Variants in RPS3 observed in about 807,000 individuals in gnomAD.
RPS3 encodes small ribosomal subunit protein uS3.
Under a neutral mutation model 25.8 loss-of-function variants are expected in RPS3, and 2 were observed. That is an observed-to-expected ratio of 0.08 (90% confidence interval 0.03 to 0.24). The LOEUF is 0.24. RPS3 is among the 10% of genes least tolerant of loss of function. The pLI is 1.00. For synonymous variants in RPS3, 114 were observed against 114.2 expected, an observed-to-expected ratio of 1.00 and a Z score of 0.01; for missense variants, 107 against 307.1, an observed-to-expected ratio of 0.35 and a Z score of 4.87.
intron 3 of RPS3, chr11:75,402,005 G>T: frequency 1.8e-6 from 1 of 548,568 alleles, no homozygotes; most frequent in South Asian, 2.3e-5. Context: ...AGGAGCCAGG[G>T]TGGGAGGGCA....
intron 6 of RPS3, among the ~76,000 whole-genome samples, chr11:75,421,404 A>G (rs1948443975): frequency 6.6e-6 from 1 of 152,084 alleles, no homozygotes; most frequent in African/African-American, 2.4e-5. Flanking sequence ...GGGCCTGGCC[A>G]GCTCCTCCAG....
downstream of RPS3, among the ~76,000 whole-genome samples, chr11:75,410,782 G>C (rs1339836197): frequency 3.0e-3 from 455 of 152,316 alleles, no homozygotes; most frequent in Non-Finnish European, 3.4e-3. Flanking sequence ...TTAGGAGCTG[G>C]AGACCAGCCC....
At chr11:75,408,524 A>T (rs79910205), downstream of RPS3, among the ~76,000 whole-genome samples, 4,101 of 152,056 alleles carry the variant, frequency 0.027, 87 homozygotes, top group Middle Eastern at 0.065. Flanking sequence ...ATCTAAGAAG[A>T]TATGGGAGGC....
At chr11:75,416,688 C>A (rs560121279) in intron 6 of RPS3, among the ~76,000 whole-genome samples, 40 of 151,992 alleles carry the variant, frequency 2.6e-4, no homozygotes, top group Non-Finnish European at 3.8e-4. Context: ...GAACTCCCAA[C>A]GTGTGGTGAT....
At chr11:75,402,970 G>A (rs1948233496) in intron 4 of RPS3, 2 of 152,264 alleles carry the variant, frequency 1.3e-5, no homozygotes, top group South Asian at 4.1e-4. Context: ...TTAAAATCTA[G>A]ACACTTAACC....
downstream of RPS3, among the ~76,000 whole-genome samples, chr11:75,410,094 C>T (rs1214808745): frequency 7.3e-6 from 1 of 136,604 alleles, no homozygotes; most frequent in Non-Finnish European, 1.6e-5. Flanking sequence ...CCCTCCCGGA[C>T]TGGGCGGCTG....
chr11:75,420,742 CAG>C (rs1455408692), intron 6 of RPS3, among the ~76,000 whole-genome samples: 5 of 151,988 alleles, frequency 3.3e-5, no homozygotes, highest in Non-Finnish European at 5.9e-5. Context: ...ATGGGTGTGT[CAG>C]GGGAGACTAG....
chr11:75,410,078 CCT>C (rs1473987578), downstream of RPS3, among the ~76,000 whole-genome samples: 129 of 140,402 alleles, frequency 9.2e-4, 4 homozygotes, highest in African/African-American at 3.7e-3. Flanking sequence ...CTGACCCCCC[CCT>C]CCCCCCTCCC....
chr11:75,408,831 C>T (rs1948313320), downstream of RPS3, among the ~76,000 whole-genome samples: 1 of 152,208 alleles, frequency 6.6e-6, no homozygotes, highest in African/African-American at 2.4e-5. Flanking sequence ...CCACTGTACC[C>T]AGCCTACTCT....
rs919279741 is a variant in RPS3 at position 75,405,705 on chromosome 11, C to T, written c.*95C>T. ...TACAAAGACACAAGGTCTGACTAGA[C>T]TGTTCAGTATTCAGACTGAGGGGCA... is the stretch of plus-strand genomic sequence containing the variant. On this transcript the variant is annotated 3_prime_UTR_variant, in exon 7 of 7. Coordinates refer to ENST00000531188, the MANE Select transcript of RPS3 (RefSeq NM_001005.5). The T allele has an allele frequency of 2.2e-6, 1 of 454,466 alleles. No homozygotes were observed. The highest frequency in any genetic ancestry group is 2.0e-5 in the African/African-American group (1 of 49,940). The allele number at this position is 454,466 out of a possible 1,614,324, so 28.2% of individuals were successfully genotyped here. A position where few individuals can be genotyped will look rare whatever the true frequency, so the allele number is the denominator to read the frequency against.
intron 6 of RPS3, among the ~76,000 whole-genome samples, chr11:75,414,094 C>G (rs1948378430): frequency 6.6e-6 from 1 of 152,172 alleles, no homozygotes; most frequent in Non-Finnish European, 1.5e-5. Context: ...ATTGGCCAAG[C>G]CTGGTGTCTG....
At position 75,415,041 on chromosome 11, in the gene RPS3, C is replaced by T. The variant is rs1948385276; in HGVS notation, c.*4-6686C>T. 2.0e-5 allele frequency among the ~76,000 whole-genome samples: 3 copies of T among 152,206 alleles called. No individual in the cohort carries two copies. In the South Asian group the frequency reaches 6.2e-4, roughly 32 times the overall value. ...TCAGCCACAGACCCCACCCAGTCCA[C>T]CACCTCCAGTCAGCCATGCTCCTCA... On this transcript the variant is annotated intron_variant, in intron 6 of 6. Transcript: ENST00000527446.
At chr11:75,417,771 T>G (rs1948411483) in intron 6 of RPS3, among the ~76,000 whole-genome samples, 1 of 152,228 alleles carries the variant, frequency 6.6e-6, no homozygotes, top group South Asian at 2.1e-4. Flanking sequence ...CCCCAGGCCC[T>G]TGCTTTCTGA....
chr11:75,400,588 A>G (rs1948195011), intron 1 of RPS3, 106 bp from the exon 2 acceptor site: 4 of 1,491,202 alleles, frequency 2.7e-6, no homozygotes, highest in Non-Finnish European at 3.7e-6. Flanking sequence ...GGTTGGAGGT[A>G]TTTAGTTTTG....
At chr11:75,400,902 A>G in intron 2 of RPS3, 78 bp downstream of exon 2, 1 of 1,489,690 alleles carries the variant, frequency 6.7e-7, no homozygotes, top group Non-Finnish European at 9.0e-7. Context: ...TATTTTTTTG[A>G]GACGGAGTCT....
At chr11:75,410,528 C>T (rs1268100969), downstream of RPS3, among the ~76,000 whole-genome samples, 1 of 151,728 alleles carries the variant, frequency 6.6e-6, no homozygotes, top group Non-Finnish European at 1.5e-5. Flanking sequence ...CAGAGGGGCT[C>T]CTCATATCCC....
At chr11:75,417,700 G>GA (rs1321874278) in intron 6 of RPS3, among the ~76,000 whole-genome samples, 1 of 152,228 alleles carries the variant, frequency 6.6e-6, no homozygotes, top group Non-Finnish European at 1.5e-5. Flanking sequence ...TGGCAGGTAA[G>GA]AAACATTGGC....
intron 3 of RPS3, 96 bp from the exon 4 acceptor site, chr11:75,402,256 T>G (rs765844657): frequency 1.6e-5 from 26 of 1,576,770 alleles, no homozygotes; most frequent in Non-Finnish European, 2.3e-5. Flanking sequence ...GCAAGCTTGG[T>G]GTAGAAAGTG....
intron 1 of RPS3, chr11:75,399,907 C>A: frequency 2.2e-6 from 1 of 458,068 alleles, no homozygotes; most frequent in Non-Finnish European, 3.9e-6. Context: ...TGTCTTATCC[C>A]GTGGTTTTGG....
Sources: allele counts gnomAD v4.1 joint callset (sites outside exome capture counted in the v4.1 genomes callset), GRCh38; gene constraint gnomAD v4.1.1; transcripts MANE v1.5; gene names NCBI Gene and HGNC (gene_info 2026-07-23, HGNC 2026-07-21).